UHRF1: variants seen among roughly 807,000 people sequenced by gnomAD.
UHRF1 encodes the protein ubiquitin like with PHD and ring finger domains 1.
Under a neutral mutation model 96.5 loss-of-function variants are expected in UHRF1, and 9 were observed. That is an observed-to-expected ratio of 0.09 (90% CI 0.06 to 0.16). The LOEUF is 0.16. Among genes scored for constraint, UHRF1 ranks in the 10% least tolerant of loss-of-function variants. UHRF1 has a pLI of 1.00. For synonymous variants in UHRF1, 455 were observed against 469.9 expected (o/e 0.97, Z 0.41); for missense variants, 626 against 1,131.1 (o/e 0.55, Z 6.40).
Position 4,909,515 on chromosome 19 carries a change from C to T in UHRF1, c.-151C>T, listed in dbSNP as rs1198342511. The T allele has an allele frequency of 1.7e-5, 11 of 657,500 alleles. 1 individual carries two copies. The highest frequency in any genetic ancestry group is 1.3e-4 in the East Asian group (4 of 31,384). 40.7% of individuals were successfully genotyped at this position (657,500 alleles called of 1,614,324 possible). ...GGAAAAAAATCAGAGCAGCTGGCAG[C>T]GCGGCGGGCAGCGTTTGCCGAGCGG... On this transcript the variant is annotated 5_prime_UTR_variant, in exon 1 of 17. Transcript: ENST00000650932.
At chr19:4,916,137 G>A (rs1039275897) in intron 2 of UHRF1, among the ~76,000 whole-genome samples, 8 of 151,908 alleles carry the variant, frequency 5.3e-5, no homozygotes, top group African/African-American at 1.2e-4. Context: ...GCAAGACCCC[G>A]TCTCTACAAA....
chr19:4,942,207 T>C (rs2033426791), intron 7 of UHRF1, among the ~76,000 whole-genome samples: 1 of 152,058 alleles, frequency 6.6e-6, no homozygotes, highest in Non-Finnish European at 1.5e-5. Context: ...TTTCTTTTTT[T>C]TTTGCGGCGG....
intron 15 of UHRF1, among the ~76,000 whole-genome samples, chr19:4,956,481 G>C (rs965760309): frequency 2.6e-5 from 4 of 152,212 alleles, no homozygotes; most frequent in African/African-American, 7.2e-5. Flanking sequence ...TACTGGCTCC[G>C]CCTCATCCTC....
rs528236240 is a variant in UHRF1 at position 4,960,723 on chromosome 19, C to G, written c.2302C>G (p.Arg768Gly). 8.3e-6 allele frequency: 13 copies of G among 1,572,296 alleles called. No individual in the cohort carries two copies. The change falls in exon 17 of 17, where the codon CGC (arginine) becomes GGC (glycine). Residue 768 changes from arginine to glycine, a missense_variant. Around this residue, in one of 11 missense-constraint regions of UHRF1, gnomAD observed 84 missense variants for 150.3 expected, o/e 0.56. Coordinates refer to ENST00000650932, the MANE Select transcript of UHRF1 (RefSeq NM_001048201.3). ...CCCTGCCTGCCGCTACGACCTGGGC[C>G]GCAGCTATGCCATGCAGGTGAACCA... ...SCPACRYDLG[R>G]SYAMQVNQPL...
chr19:4,955,266 G>A (rs1483749335), intron 15 of UHRF1, among the ~76,000 whole-genome samples: 4 of 152,204 alleles, frequency 2.6e-5, no homozygotes, highest in Admixed American at 2.0e-4. Flanking sequence ...ATAGGGCTGG[G>A]CCCTCCTGGG....
chr19:4,937,024 C>T (rs904961302), intron 5 of UHRF1, among the ~76,000 whole-genome samples: 5 of 150,370 alleles, frequency 3.3e-5, no homozygotes, highest in African/African-American at 9.7e-5. Flanking sequence ...CCCTGACCCC[C>T]GGCAAGCAAT....
intron 13 of UHRF1, 95 bp downstream of exon 13, chr19:4,951,091 C>T (rs764916776): frequency 2.1e-6 from 3 of 1,417,540 alleles, no homozygotes; most frequent in Non-Finnish European, 9.3e-7. Flanking sequence ...CATGGTGAAA[C>T]CTCATCTCTA....
intron 13 of UHRF1, among the ~76,000 whole-genome samples, chr19:4,952,324 C>T (rs1374206565): frequency 6.6e-6 from 1 of 151,202 alleles, no homozygotes; most frequent in Non-Finnish European, 1.5e-5. Flanking sequence ...GAACTCCTGA[C>T]CTCAGGTGAT....
At chr19:4,916,639 C>T (rs562960824) in intron 2 of UHRF1, among the ~76,000 whole-genome samples, 111 of 151,880 alleles carry the variant, frequency 7.3e-4, no homozygotes, top group African/African-American at 2.6e-3. Flanking sequence ...GCGCCGTCCA[C>T]GCCACCGCCG....
At chr19:4,908,340 G>A (rs1026854704), upstream of UHRF1, among the ~76,000 whole-genome samples, 24 of 152,112 alleles carry the variant, frequency 1.6e-4, no homozygotes, top group Non-Finnish European at 7.4e-5. Context: ...TTAATAGAGT[G>A]ACGAAGAAAC....
At chr19:4,949,671 A>C (rs558063850) in intron 11 of UHRF1, among the ~76,000 whole-genome samples, 1 of 152,154 alleles carries the variant, frequency 6.6e-6, no homozygotes, top group East Asian at 1.9e-4. Context: ...TTAAAATTAC[A>C]AAAAAGAATT....
At chr19:4,926,405 T>C (rs1331802309) in intron 2 of UHRF1, among the ~76,000 whole-genome samples, 1 of 152,210 alleles carries the variant, frequency 6.6e-6, no homozygotes, top group East Asian at 1.9e-4. Flanking sequence ...AGGCACTCAC[T>C]TCTAGCTGGG....
At chr19:4,960,610 C>T in intron 16 of UHRF1, 47 bp from the exon 17 acceptor site, 1 of 1,600,094 alleles carries the variant, frequency 6.2e-7, no homozygotes, top group Non-Finnish European at 8.5e-7. Flanking sequence ...CAGGAGCAAA[C>T]CTGATGGTGT....
intron 5 of UHRF1, among the ~76,000 whole-genome samples, chr19:4,941,063 G>GA (rs2033378662): frequency 7.0e-6 from 1 of 143,000 alleles, no homozygotes; most frequent in Non-Finnish European, 1.5e-5. Flanking sequence ...ATCCTGCAAT[G>GA]AAACTCTGGT....
chr19:4,924,707 T>G (rs561754804), intron 2 of UHRF1, among the ~76,000 whole-genome samples: 3 of 152,234 alleles, frequency 2.0e-5, no homozygotes, highest in Non-Finnish European at 4.4e-5. Context: ...GCCCCCACTG[T>G]CAGCCTCCCC....
upstream of UHRF1, among the ~76,000 whole-genome samples, chr19:4,904,661 C>G (rs1047597713): frequency 6.6e-6 from 1 of 152,194 alleles, no homozygotes; most frequent in Non-Finnish European, 1.5e-5. Flanking sequence ...GATGGGAAGT[C>G]CCTCCAGGGT....
intron 2 of UHRF1, among the ~76,000 whole-genome samples, chr19:4,916,782 G>T (rs1311437008): frequency 6.6e-6 from 1 of 152,208 alleles, no homozygotes; most frequent in African/African-American, 2.4e-5. Context: ...GGGCCAGCAG[G>T]AGCTGTGGCT....
intron 9 of UHRF1, among the ~76,000 whole-genome samples, chr19:4,945,316 T>G (rs1022452990): frequency 6.6e-6 from 1 of 152,178 alleles, no homozygotes; most frequent in Admixed American, 6.5e-5. Flanking sequence ...TGGAGTGCAG[T>G]GGTGCGGTCT....
chr19:4,922,543 C>G (rs1170928504), intron 2 of UHRF1, among the ~76,000 whole-genome samples: 1 of 152,236 alleles, frequency 6.6e-6, no homozygotes, highest in Non-Finnish European at 1.5e-5. Context: ...GCTGGGATTA[C>G]AGGCGTGCAC....
Sources: gnomAD v4.1 joint callset for allele counts (sites outside exome capture counted in the v4.1 genomes callset) on GRCh38, gnomAD v4.1.1 for gene constraint, gnomAD v4.1.1 regional missense constraint, MANE v1.5 for transcripts, NCBI Gene and HGNC (gene_info 2026-07-23, HGNC 2026-07-21) for gene names.